CFAP61: variants seen among roughly 807,000 people sequenced by gnomAD.
CFAP61 encodes cilia and flagella associated protein 61.
A neutral mutation model predicts 135.6 loss-of-function variants in CFAP61; 107 were observed. That is an observed-to-expected ratio of 0.79 (90% CI 0.67 to 0.93). The LOEUF is 0.93. Ranked by LOEUF, CFAP61 falls within the 40% of genes least tolerant of loss-of-function variation. The pLI is 0.00. For missense variants in CFAP61, 1,507 were observed against 1,556.2 expected, an observed-to-expected ratio of 0.97 and a Z score of 0.53; for synonymous variants, 575 against 578.5, an observed-to-expected ratio of 0.99 and a Z score of 0.09.
chr20:20,052,627 G>A (rs759281207), intron 1 of CFAP61, 36 bp downstream of exon 1: 1 of 1,613,650 alleles, frequency 6.2e-7, no homozygotes, highest in East Asian at 2.2e-5. Context: ...GCGACGCAAG[G>A]ACTGCGGTGC....
At chr20:20,104,067 G>C (rs1291003360) in intron 8 of CFAP61, among the ~76,000 whole-genome samples, 2 of 152,134 alleles carry the variant, frequency 1.3e-5, no homozygotes, top group African/African-American at 2.4e-5. Context: ...AACTTGATGT[G>C]CTCCTTGGCA....
At chr20:20,069,478 C>T (rs2045554446) in intron 2 of CFAP61, among the ~76,000 whole-genome samples, 1 of 152,134 alleles carries the variant, frequency 6.6e-6, no homozygotes, top group African/African-American at 2.4e-5. Context: ...TGGGTTTTCA[C>T]CATGTTGGCC....
intron 2 of CFAP61, 67 bp downstream of exon 2, chr20:20,056,863 A>C: frequency 6.8e-7 from 1 of 1,462,786 alleles, no homozygotes. Flanking sequence ...CACACCTGTA[A>C]TCTCAGCACT....
chr20:20,238,005 G>A (rs148728052), intron 18 of CFAP61, among the ~76,000 whole-genome samples: 36 of 152,170 alleles, frequency 2.4e-4, no homozygotes, highest in Middle Eastern at 3.4e-3. Context: ...TTTTCACCTC[G>A]TGTATATTTA....
intron 8 of CFAP61, among the ~76,000 whole-genome samples, chr20:20,106,802 T>G (rs1283472386): frequency 2.0e-5 from 3 of 152,236 alleles, no homozygotes; most frequent in African/African-American, 7.2e-5. Flanking sequence ...CACAGTTTGT[T>G]GTTGTTTTCC....
At chr20:20,138,192 T>C (rs921202138) in intron 8 of CFAP61, among the ~76,000 whole-genome samples, 2 of 152,142 alleles carry the variant, frequency 1.3e-5, no homozygotes, top group East Asian at 1.9e-4. Context: ...TCGGAGTCTC[T>C]TTTGGAGCTG....
chr20:20,134,851 A>G (rs2050797670), intron 8 of CFAP61, among the ~76,000 whole-genome samples: 1 of 152,194 alleles, frequency 6.6e-6, no homozygotes, highest in Non-Finnish European at 1.5e-5. Context: ...TGACTTTCCT[A>G]GTAAGCATTT....
intron 26 of CFAP61, among the ~76,000 whole-genome samples, chr20:20,350,006 G>A (rs6081968): frequency 0.54 from 81,770 of 152,116 alleles, 23,060 homozygotes; most frequent in East Asian, 0.63. Flanking sequence ...AACCAAGACA[G>A]TGTGGTACTT....
chr20:20,222,624 G>A (rs2048478101), intron 17 of CFAP61, among the ~76,000 whole-genome samples: 1 of 152,114 alleles, frequency 6.6e-6, no homozygotes, highest in Admixed American at 6.5e-5. Context: ...ATGCTCTGCG[G>A]GACAGAGGTG....
chr20:20,272,635 G>A (rs1166435834), intron 21 of CFAP61, among the ~76,000 whole-genome samples: 3 of 152,030 alleles, frequency 2.0e-5, no homozygotes, highest in Non-Finnish European at 4.4e-5. Flanking sequence ...AGTGTCCCCC[G>A]GCTCCGGTCA....
At chr20:20,156,425 T>C (rs1161725860) in intron 9 of CFAP61, among the ~76,000 whole-genome samples, 1 of 152,146 alleles carries the variant, frequency 6.6e-6, no homozygotes, top group East Asian at 1.9e-4. Flanking sequence ...ACAGCAAACG[T>C]CACACATAAT....
At chr20:20,295,675 G>A (rs2055372177) in intron 24 of CFAP61, among the ~76,000 whole-genome samples, 1 of 152,042 alleles carries the variant, frequency 6.6e-6, no homozygotes, top group Admixed American at 6.5e-5. Context: ...TTTTAATTCT[G>A]AAATACTGCT....
chr20:20,114,234 C>G (rs1041630621), intron 8 of CFAP61, among the ~76,000 whole-genome samples: 1 of 152,184 alleles, frequency 6.6e-6, no homozygotes, highest in Non-Finnish European at 1.5e-5. Flanking sequence ...CACACCACTG[C>G]ACTCCAGCCT....
At chr20:20,360,027 A>G (rs1284586242) in intron 26 of CFAP61, among the ~76,000 whole-genome samples, 183 bp from the exon 27 acceptor site, 6 of 152,234 alleles carry the variant, frequency 3.9e-5, no homozygotes, top group Non-Finnish European at 8.8e-5. Context: ...ACACCTAAAA[A>G]TTATTAAAAT....
chr20:20,337,149 T>C (rs2058224419), intron 25 of CFAP61, among the ~76,000 whole-genome samples: 1 of 152,172 alleles, frequency 6.6e-6, no homozygotes, highest in Non-Finnish European at 1.5e-5. Flanking sequence ...GGTGGTGTGA[T>C]GCAGCAGAGG....
Position 20,360,364 on chromosome 20 carries a change from A to G in CFAP61, c.3668A>G (p.Tyr1223Cys), listed in dbSNP as rs777622340. ...VERSTLDYLH[Y>C]NRYHLPMYAW... ...AGAAGCACTCTTGACTACCTGCACT[A>G]TAACCGCTACCACCTGCCCATGTAC... Residue 1223 changes from tyrosine to cysteine, a missense_variant, in exon 27 of 27, where the codon TAT becomes TGT. Transcript: ENST00000245957. 2 of 1,613,904 alleles carry G rather than the reference A, an allele frequency of 1.2e-6. No homozygotes were observed. The highest frequency in any genetic ancestry group is 1.3e-5 in the African/African-American group (1 of 75,058).
intron 25 of CFAP61, among the ~76,000 whole-genome samples, chr20:20,339,121 G>T (rs1479558644): frequency 6.6e-6 from 1 of 152,180 alleles, no homozygotes; most frequent in African/African-American, 2.4e-5. Context: ...TAAAAAGCAC[G>T]TTGGAGCCAT....
At chr20:20,085,014 C>A in intron 6 of CFAP61, 2 of 632,706 alleles carry the variant, frequency 3.2e-6, no homozygotes, top group Non-Finnish European at 3.9e-6. Flanking sequence ...AAGCACATTG[C>A]TGCCCCCTCC....
At chr20:20,222,640 A>G (rs531455298) in intron 17 of CFAP61, among the ~76,000 whole-genome samples, 3 of 152,204 alleles carry the variant, frequency 2.0e-5, no homozygotes, top group Non-Finnish European at 4.4e-5. Context: ...AGGTGTTGGT[A>G]TTCATATCAT....
Sources: allele counts gnomAD v4.1 joint callset (sites outside exome capture counted in the v4.1 genomes callset), GRCh38; gene constraint gnomAD v4.1.1; transcripts MANE v1.5; gene names NCBI Gene and HGNC (gene_info 2026-07-23, HGNC 2026-07-21).